LRRC8D: variants seen among roughly 807,000 people sequenced by gnomAD.
The protein encoded by LRRC8D is volume-regulated anion channel subunit LRRC8D.
In LRRC8D, 20 loss-of-function variants were observed where a neutral mutation model predicts 55.8. The ratio of observed to expected loss-of-function variants is 0.36; its 90% CI spans 0.25 to 0.52. LRRC8D has a LOEUF of 0.52. LRRC8D is among the 20% of genes least tolerant of loss of function. The probability of loss-of-function intolerance (pLI) is 0.93; values close to 1 mark genes in which losing one functional copy is unlikely to be tolerated. For synonymous variants in LRRC8D, 352 were observed against 377.0 expected, an observed-to-expected ratio of 0.93 and a Z score of 0.77; for missense variants, 651 against 1,030.8, an observed-to-expected ratio of 0.63 and a Z score of 5.05.
chr1:89,882,840 G>T (rs911118192), intron 2 of LRRC8D, among the ~76,000 whole-genome samples: 1 of 152,186 alleles, frequency 6.6e-6, no homozygotes, highest in African/African-American at 2.4e-5. Context: ...GAGAAAAGAA[G>T]AGGCATGCCA....
intron 1 of LRRC8D, among the ~76,000 whole-genome samples, chr1:89,842,242 A>G (rs1208710072): frequency 6.7e-6 from 1 of 149,552 alleles, no homozygotes; most frequent in Non-Finnish European, 1.5e-5. Flanking sequence ...AGAATTTGTG[A>G]TCATTGTAGG....
At chr1:89,924,514 C>G (rs189427907) in intron 2 of LRRC8D, among the ~76,000 whole-genome samples, 1 of 152,258 alleles carries the variant, frequency 6.6e-6, no homozygotes, top group African/African-American at 2.4e-5. Flanking sequence ...GTGTAGACTT[C>G]TCAAAAAAGT....
At chr1:89,867,472 C>G (rs929935710) in intron 2 of LRRC8D, among the ~76,000 whole-genome samples, 4 of 152,158 alleles carry the variant, frequency 2.6e-5, no homozygotes, top group African/African-American at 9.7e-5. Flanking sequence ...TTTCATCTTA[C>G]AAAACTGAAA....
intron 2 of LRRC8D, among the ~76,000 whole-genome samples, chr1:89,909,096 C>T (rs1365888008): frequency 1.3e-5 from 2 of 152,028 alleles, no homozygotes; most frequent in African/African-American, 2.4e-5. Flanking sequence ...GGCTCGCTCT[C>T]TTTCAGTTTT....
chr1:89,894,883 C>T lies in LRRC8D; in HGVS notation c.-2-38184C>T, dbSNP rs55678407. On this transcript the variant is annotated intron_variant, in intron 2 of 2. Transcript: ENST00000337338. The stretch of plus-strand genomic sequence containing the variant: ...GTGATACGGAAAATTCTGTCAAGTT[C>T]GGAGACAGCCATAGTGTTGAAAGTT... 1.2e-4 allele frequency among the ~76,000 whole-genome samples: 19 copies of T among 152,206 alleles called. No individual in the cohort carries two copies. In the South Asian group the frequency reaches 3.3e-3, roughly 27 times the overall value.
chr1:89,887,235 T>C (rs910072277), intron 2 of LRRC8D, among the ~76,000 whole-genome samples: 5 of 152,230 alleles, frequency 3.3e-5, no homozygotes, highest in African/African-American at 1.2e-4. Flanking sequence ...GGATATGATA[T>C]GCCCTTTTTT....
intron 2 of LRRC8D, among the ~76,000 whole-genome samples, chr1:89,892,704 T>C (rs1382640183): frequency 2.0e-5 from 3 of 152,138 alleles, no homozygotes; most frequent in African/African-American, 7.2e-5. Context: ...TATTTTTTAG[T>C]AGAGACGGAG....
chr1:89,859,250 A>G (rs1275426697), intron 2 of LRRC8D, among the ~76,000 whole-genome samples: 1 of 151,996 alleles, frequency 6.6e-6, no homozygotes, highest in African/African-American at 2.4e-5. Flanking sequence ...AAGCTAGGTA[A>G]TTTGACTCTT....
chr1:89,909,662 C>G (rs551513335), intron 2 of LRRC8D, among the ~76,000 whole-genome samples: 12 of 151,876 alleles, frequency 7.9e-5, no homozygotes, highest in Non-Finnish European at 1.8e-4. Context: ...GTCAGGAGAT[C>G]GAGACCATCC....
intron 2 of LRRC8D, among the ~76,000 whole-genome samples, chr1:89,891,898 C>G (rs184047149): frequency 2.0e-5 from 3 of 152,186 alleles, no homozygotes; most frequent in African/African-American, 7.2e-5. Context: ...CTGTCATCAT[C>G]CCCCTGCCCT....
chr1:89,839,125 C>T (rs1431631680), intron 1 of LRRC8D, among the ~76,000 whole-genome samples: 2 of 152,204 alleles, frequency 1.3e-5, no homozygotes, highest in African/African-American at 2.4e-5. Flanking sequence ...GGTGAGTTTT[C>T]GTTCCATTAC....
At chr1:89,870,613 T>C (rs1661983873) in intron 2 of LRRC8D, among the ~76,000 whole-genome samples, 1 of 152,186 alleles carries the variant, frequency 6.6e-6, no homozygotes, top group African/African-American at 2.4e-5. Context: ...CTTAAGTTGG[T>C]GCATTTAGAA....
chr1:89,826,732 C>G (rs926177572), intron 1 of LRRC8D, among the ~76,000 whole-genome samples: 1 of 152,100 alleles, frequency 6.6e-6, no homozygotes, highest in Non-Finnish European at 1.5e-5. Context: ...TCCCTCGGGT[C>G]TTATTTACAT....
At chr1:89,849,513 T>C (rs1011063943) in intron 2 of LRRC8D, among the ~76,000 whole-genome samples, 9 of 152,122 alleles carry the variant, frequency 5.9e-5, no homozygotes, top group Admixed American at 2.0e-4. Flanking sequence ...TTAAACAAAT[T>C]TCCTGATTGC....
intron 2 of LRRC8D, among the ~76,000 whole-genome samples, chr1:89,902,571 C>G (rs1485628780): frequency 1.3e-5 from 2 of 151,024 alleles, no homozygotes; most frequent in South Asian, 2.1e-4. Flanking sequence ...GAGTCTCGCT[C>G]TGTCGCCCTG....
intron 2 of LRRC8D, among the ~76,000 whole-genome samples, chr1:89,872,284 G>A (rs1231277218): frequency 1.3e-5 from 2 of 152,212 alleles, no homozygotes; most frequent in Non-Finnish European, 2.9e-5. Flanking sequence ...GGAACATAGC[G>A]TTCTGCTATC....
intron 1 of LRRC8D, among the ~76,000 whole-genome samples, chr1:89,841,014 C>T (rs1286867091): frequency 6.6e-6 from 1 of 152,142 alleles, no homozygotes; most frequent in Non-Finnish European, 1.5e-5. Flanking sequence ...GCTTCACATC[C>T]CCACTCCCCA....
At chr1:89,907,091 G>A (rs1282530377) in intron 2 of LRRC8D, among the ~76,000 whole-genome samples, 1 of 151,550 alleles carries the variant, frequency 6.6e-6, no homozygotes, top group Non-Finnish European at 1.5e-5. Flanking sequence ...ATGCAGGAAG[G>A]CTATTTTCAT....
chr1:89,828,836 A>G (rs975846191), intron 1 of LRRC8D, among the ~76,000 whole-genome samples: 4 of 152,122 alleles, frequency 2.6e-5, no homozygotes, highest in Non-Finnish European at 5.9e-5. Flanking sequence ...TTCCCCAACA[A>G]TGCATAAATC....
Sources: gnomAD v4.1 joint callset for allele counts (sites outside exome capture counted in the v4.1 genomes callset) on GRCh38, gnomAD v4.1.1 for gene constraint, MANE v1.5 for transcripts, NCBI Gene and HGNC (gene_info 2026-07-23, HGNC 2026-07-21) for gene names.